CMSS1: variants seen among roughly 807,000 people sequenced by gnomAD.
The protein encoded by CMSS1 is protein CMSS1.
A neutral mutation model predicts 43.5 loss-of-function variants in CMSS1; 33 were observed. That is an observed-to-expected ratio of 0.76 (90% CI 0.57 to 1.01). The LOEUF (loss-of-function observed/expected upper bound fraction) is 1.01. Among genes scored for constraint, CMSS1 ranks in the 50% least tolerant of loss-of-function variants. CMSS1 has a pLI of 0.00. For missense variants in CMSS1, 313 were observed against 326.4 expected, an observed-to-expected ratio of 0.96 and a Z score of 0.32; for synonymous variants, 115 against 117.2, an observed-to-expected ratio of 0.98 and a Z score of 0.12.
At chr3:99,826,097 T>C (rs1359106443) in intron 1 of CMSS1, among the ~76,000 whole-genome samples, 1 of 152,166 alleles carries the variant, frequency 6.6e-6, no homozygotes, top group African/African-American at 2.4e-5. Context: ...CTTTTATCTG[T>C]TGTTAATCTG....
chr3:99,830,504 A>C (rs1262797650), intron 1 of CMSS1: 3 of 456,694 alleles, frequency 6.6e-6, no homozygotes, highest in Non-Finnish European at 1.3e-5. Context: ...AAATAGGCTT[A>C]TCCATAGGCA....
At chr3:100,119,010 T>A (rs756208246) in intron 1 of CMSS1, among the ~76,000 whole-genome samples, 2 of 152,186 alleles carry the variant, frequency 1.3e-5, no homozygotes, top group Non-Finnish European at 2.9e-5. Context: ...GTTGACTCTC[T>A]GAGCTTCGGT....
chr3:100,122,271 C>T (rs1026927581), intron 1 of CMSS1, among the ~76,000 whole-genome samples: 3 of 152,126 alleles, frequency 2.0e-5, no homozygotes, highest in Non-Finnish European at 4.4e-5. Flanking sequence ...AATTCTAGAC[C>T]CCCCTTTCTG....
chr3:100,177,184 G>T (rs1403544042), intron 9 of CMSS1, among the ~76,000 whole-genome samples: 1 of 152,318 alleles, frequency 6.6e-6, no homozygotes, highest in East Asian at 1.9e-4. Flanking sequence ...ATCACATAAA[G>T]CTATATCTCC....
At chr3:100,015,162 T>C (rs1051242427) in intron 1 of CMSS1, among the ~76,000 whole-genome samples, 4 of 152,044 alleles carry the variant, frequency 2.6e-5, no homozygotes, top group Non-Finnish European at 5.9e-5. Flanking sequence ...CCTTTTCCTA[T>C]TTTGCATTTT....
intron 1 of CMSS1, among the ~76,000 whole-genome samples, chr3:100,088,119 CTG>C (rs758493351): frequency 1.3e-5 from 2 of 152,162 alleles, no homozygotes; most frequent in Non-Finnish European, 2.9e-5. Context: ...GCATGAGCCA[CTG>C]CACCTGGCTC....
intron 1 of CMSS1, among the ~76,000 whole-genome samples, chr3:99,912,592 G>C (rs1462969195): frequency 2.6e-5 from 4 of 152,152 alleles, no homozygotes; most frequent in African/African-American, 4.8e-5. Context: ...TGCCCAGGCT[G>C]GTCTCAAACT....
intron 1 of CMSS1, among the ~76,000 whole-genome samples, chr3:100,037,470 A>ATG (rs1559734999): frequency 2.0e-5 from 3 of 151,982 alleles, no homozygotes; most frequent in Non-Finnish European, 4.4e-5. Context: ...ACACACACGC[A>ATG]CATTGTTATC....
chr3:99,849,262 A>C, intron 1 of CMSS1: 7 of 1,614,110 alleles, frequency 4.3e-6, no homozygotes, highest in Non-Finnish European at 3.4e-6. Context: ...TTCATTGTCT[A>C]CTGCTTCTGT....
intron 1 of CMSS1, among the ~76,000 whole-genome samples, chr3:100,144,054 A>C (rs1183380722): frequency 6.6e-6 from 1 of 152,188 alleles, no homozygotes; most frequent in Non-Finnish European, 1.5e-5. Flanking sequence ...TGGGCTATTT[A>C]CATTTAATAT....
chr3:100,172,755 G>C (rs1205452970), intron 8 of CMSS1, among the ~76,000 whole-genome samples: 2 of 152,182 alleles, frequency 1.3e-5, no homozygotes, highest in Admixed American at 1.3e-4. Context: ...CCCATTTTGA[G>C]GGCTGGTATA....
intron 1 of CMSS1, among the ~76,000 whole-genome samples, chr3:99,822,080 T>G (rs1039355924): frequency 1.3e-5 from 2 of 152,028 alleles, no homozygotes; most frequent in African/African-American, 4.8e-5. Context: ...ACTTGATCAT[T>G]TACTCACTGA....
chr3:99,902,731 A>G (rs1160341861), intron 1 of CMSS1, among the ~76,000 whole-genome samples: 1 of 152,198 alleles, frequency 6.6e-6, no homozygotes, highest in Non-Finnish European at 1.5e-5. Flanking sequence ...AAAATCAGGC[A>G]TATCCATGTT....
chr3:99,994,496 C>G (rs562650377), intron 1 of CMSS1, among the ~76,000 whole-genome samples: 3 of 152,124 alleles, frequency 2.0e-5, no homozygotes, highest in Non-Finnish European at 4.4e-5. Context: ...CAAAACAAGT[C>G]TTAGCAAATT....
intron 1 of CMSS1, among the ~76,000 whole-genome samples, chr3:99,836,505 ACTC>A (rs1344216371): frequency 6.6e-6 from 1 of 152,108 alleles, no homozygotes; most frequent in African/African-American, 2.4e-5. Flanking sequence ...TGTTGATACT[ACTC>A]AAGTGCCTGA....
chr3:100,056,604 A>C (rs2065467528), intron 1 of CMSS1, among the ~76,000 whole-genome samples: 1 of 152,108 alleles, frequency 6.6e-6, no homozygotes, highest in Non-Finnish European at 1.5e-5. Context: ...GTCATAATCT[A>C]ATTAACACAG....
chr3:99,832,767 G>A (rs1328119542), intron 1 of CMSS1, among the ~76,000 whole-genome samples: 5 of 146,276 alleles, frequency 3.4e-5, no homozygotes, highest in Admixed American at 2.0e-4. Context: ...TTGAACCCAC[G>A]AGGCGGAGGT....
At chr3:99,824,466 T>C (rs940124597) in intron 1 of CMSS1, among the ~76,000 whole-genome samples, 1 of 152,222 alleles carries the variant, frequency 6.6e-6, no homozygotes, top group Non-Finnish European at 1.5e-5. Context: ...GGTATTTTGT[T>C]TGTCTTGTTT....
At chr3:99,996,419 C>T (rs1334035408) in intron 1 of CMSS1, among the ~76,000 whole-genome samples, 1 of 152,126 alleles carries the variant, frequency 6.6e-6, no homozygotes, top group African/African-American at 2.4e-5. Flanking sequence ...CCAACTTTCC[C>T]ACATTTTCCT....
Sources: gnomAD v4.1 joint callset for allele counts (sites outside exome capture counted in the v4.1 genomes callset) on GRCh38, gnomAD v4.1.1 for gene constraint, MANE v1.5 for transcripts, NCBI Gene and HGNC (gene_info 2026-07-23, HGNC 2026-07-21) for gene names.